The following BAG1 variants were observed in gnomAD, a reference collection of about 807,000 sequenced individuals.
The protein encoded by BAG1 is BAG cochaperone 1, also known as BAG family molecular chaperone regulator 1.
BAG1 carries 35 observed loss-of-function variants against 35.5 expected under a neutral mutation model. That is an observed-to-expected ratio of 0.99 (90% CI 0.75 to 1.31). The LOEUF (loss-of-function observed/expected upper bound fraction) is 1.31. Ranked by LOEUF, BAG1 falls within the 50% of genes most tolerant of loss-of-function variation. BAG1 has a pLI of 0.00. For synonymous variants in BAG1, 191 were observed against 178.9 expected (o/e 1.07, Z -0.54); for missense variants, 464 against 453.6 (o/e 1.02, Z -0.21).
chr9:33,255,918 C>T lies in BAG1; in HGVS notation c.895G>A (p.Glu299Lys). 6.2e-7 allele frequency: 1 copy of T among 1,613,516 alleles called. No homozygotes were observed. Among genetic ancestry groups the T allele is most frequent in the African/African-American group, 1.3e-5 (1 of 75,024 alleles). Reference sequence around the variant, plus strand: ...TTCAATCTACTGTCTTTGAAATTTTCTGGCAGGATCTATGGAAGAGTAAGT... The same window carrying T: ...TTCAATCTACTGTCTTTGAAATTTTTTGGCAGGATCTATGGAAGAGTAAGT... The change falls in exon 6 of 7, where the codon GAA becomes AAA. Residue 299 changes from glutamate (E) to lysine (K), a missense_variant. Coordinates refer to ENST00000634734, the MANE Select transcript of BAG1 (RefSeq NM_004323.6).
rs1394928850 is a variant in BAG1, at chr9:33,252,736, T to C, written c.*2483A>G. On this transcript the variant is annotated 3_prime_UTR_variant, in exon 7 of 7. Transcript: ENST00000634734. ...CTATGTAAATGCTGTGAAAGAAATGTATGGGAAGTCGAGAGAGGATCCCAC... is the reference window on the plus strand; with the variant it reads ...CTATGTAAATGCTGTGAAAGAAATGCATGGGAAGTCGAGAGAGGATCCCAC... 1 of 152,056 alleles carries C rather than the reference T, an allele frequency of 6.6e-6. No homozygotes were observed. Among genetic ancestry groups the C allele is most frequent in the African/African-American group, 2.4e-5 (1 of 41,394 alleles). The allele number at this position is 152,056 out of a possible 1,614,324, so 9.4% of individuals were successfully genotyped here. A position where few individuals can be genotyped will look rare whatever the true frequency, so the allele number is the denominator to read the frequency against.
chr9:33,257,095 A>G (rs1820471785), intron 4 of BAG1, 187 bp from the exon 5 acceptor site: 2 of 565,506 alleles, frequency 3.5e-6, no homozygotes. Context: ...CAAGAATTCT[A>G]TCAGGTTGCA....
Position 33,255,155 on chromosome 9 carries a change from C to T in BAG1, c.*64G>A, listed in dbSNP as rs1450360303. ...CCCTGAAGAAATCAGGTAAATTCCG[C>T]TCCAGAGACGGCAGAGCTGGTGGCG... On this transcript the variant is annotated 3_prime_UTR_variant, in exon 7 of 7. Transcript: ENST00000634734. The T allele has an allele frequency of 1.9e-5, 30 of 1,614,020 alleles. No homozygotes were observed. The highest frequency in any genetic ancestry group is 2.7e-5 in the African/African-American group (2 of 74,938).
At chr9:33,255,765 C>T in intron 6 of BAG1, 100 bp downstream of exon 6, 2 of 1,340,322 alleles carry the variant, frequency 1.5e-6, no homozygotes, top group East Asian at 2.3e-5. Context: ...CAAGCCCATA[C>T]CACACACCAC....
In BAG1 at chr9:33,259,022, C is replaced by G; in HGVS notation, c.675G>C (p.Gln225His). The G allele has an allele frequency of 6.2e-7, 1 of 1,613,678 alleles. No homozygotes were observed. Among genetic ancestry groups the G allele is most frequent in the Non-Finnish European group, 8.5e-7 (1 of 1,179,600 alleles). Reference sequence around the variant, plus strand: ...TCAACTTCTTTAGTTCAACCTCTTCCTGTGGACTGTTCTAAAATGTTTAAG... The same window carrying G: ...TCAACTTCTTTAGTTCAACCTCTTCGTGTGGACTGTTCTAAAATGTTTAAG... The change falls in exon 4 of 7, where the codon CAG becomes CAC. Residue 225 changes from glutamine (Q) to histidine (H), a missense_variant. By Grantham distance (24) the Gln-to-His change is conservative. Coordinates refer to ENST00000634734, the MANE Select transcript of BAG1 (RefSeq NM_004323.6).
chr9:33,255,791 G>T, intron 6 of BAG1, 74 bp downstream of exon 6: 1 of 1,515,846 alleles, frequency 6.6e-7, no homozygotes, highest in South Asian at 1.1e-5. Flanking sequence ...TACACTACCT[G>T]ATTTTGAACA....
At chr9:33,255,644 C>T (rs1275501610) in intron 6 of BAG1, among the ~76,000 whole-genome samples, 1 of 152,224 alleles carries the variant, frequency 6.6e-6, no homozygotes. Context: ...TCAGCCCTAC[C>T]TGCTCTCCAG....
At chr9:33,256,771 C>T (rs755881556) in intron 5 of BAG1, 30 bp downstream of exon 5, 4 of 1,563,054 alleles carry the variant, frequency 2.6e-6, no homozygotes, top group South Asian at 1.1e-5. Flanking sequence ...TCAAAGAAAA[C>T]TAGTTCTTCT....
chr9:33,262,860 A>G (rs565845496), intron 1 of BAG1, 30 bp from the exon 2 acceptor site: 3 of 1,610,098 alleles, frequency 1.9e-6, no homozygotes, highest in East Asian at 4.5e-5. Flanking sequence ...TTTGACGAAT[A>G]TGATTCTTTC....
intron 2 of BAG1, chr9:33,262,184 C>T (rs1333665774): frequency 3.1e-6 from 4 of 1,289,650 alleles, no homozygotes; most frequent in Admixed American, 2.3e-5. Context: ...AAATCTGACA[C>T]CTGTCCAGGT....
At position 33,264,446 on chromosome 9, in the gene BAG1, G is replaced by C. The variant is rs764057728; in HGVS notation, c.229C>G (p.Arg77Gly). Residue 77 changes from arginine to glycine, a missense_variant, in exon 1 of 7, where the codon CGG (arginine) becomes GGG (glycine). Arg to Gly is a moderately radical substitution (Grantham distance 125). Coordinates refer to ENST00000634734, the MANE Select transcript of BAG1 (RefSeq NM_004323.6). ...TCCTCGCTCCGGGTCGAGCGGCGCCGGGTTTTCTTCTTCATCCGCGGCCTG... is the reference window on the plus strand; with the variant it reads ...TCCTCGCTCCGGGTCGAGCGGCGCCCGGTTTTCTTCTTCATCCGCGGCCTG... 6.8e-6 allele frequency: 11 copies of C among 1,613,658 alleles called. No homozygotes were observed. Among genetic ancestry groups the C allele is most frequent in the Non-Finnish European group, 7.6e-6 (9 of 1,179,708 alleles).
chr9:33,263,238 T>C (rs2117977951), intron 1 of BAG1, among the ~76,000 whole-genome samples: 1 of 152,308 alleles, frequency 6.6e-6, no homozygotes, highest in East Asian at 1.9e-4. Context: ...CAAGCCCACC[T>C]TTTTCATCAC....
intron 2 of BAG1, among the ~76,000 whole-genome samples, chr9:33,262,490 C>A (rs904466278): frequency 6.6e-5 from 10 of 152,002 alleles, no homozygotes; most frequent in African/African-American, 2.2e-4. Context: ...AACCCTGTCT[C>A]TACTAAAAAT....
At position 33,264,553 on chromosome 9, in the gene BAG1, G is replaced by A. The variant is rs1303601192; in HGVS notation, c.122C>T (p.Pro41Leu). The change falls in exon 1 of 7, where the codon CCG becomes CTG. Residue 41 changes from proline to leucine, a missense_variant. By Grantham distance (98) the Pro-to-Leu change is moderately conservative. Coordinates refer to ENST00000634734, the MANE Select transcript of BAG1 (RefSeq NM_004323.6). ...GGCAGGTGGACGCCCAGAGGGAGGCGGACCACGCTGGGCCGGGGGCTCCGA... is the reference window on the plus strand; with the variant it reads ...GGCAGGTGGACGCCCAGAGGGAGGCAGACCACGCTGGGCCGGGGGCTCCGA... 6.7e-7 allele frequency: 1 copy of A among 1,498,318 alleles called. No individual in the cohort carries two copies. Among genetic ancestry groups the A allele is most frequent in the Non-Finnish European group, 8.8e-7 (1 of 1,129,960 alleles). 92.8% of individuals were successfully genotyped at this position (1,498,318 alleles called of 1,614,324 possible). A position where few individuals can be genotyped will look rare whatever the true frequency, so the allele number is the denominator to read the frequency against.
In BAG1 at chr9:33,261,180, G is replaced by A; in HGVS notation, c.581-11C>T. On this transcript the variant is annotated splice_polypyrimidine_tract_variant and intron_variant, in intron 2 of 6. Coordinates refer to ENST00000634734, the MANE Select transcript of BAG1 (RefSeq NM_004323.6). ...CCTTCAGAGATTTTCCTAAAAAGAG[G>A]AGAAAGGTAGGCCAAGTTGTAATAA... 1 of 1,591,560 alleles carries A rather than the reference G, an allele frequency of 6.3e-7. No individual in the cohort carries two copies. Among genetic ancestry groups the A allele is most frequent in the Non-Finnish European group, 8.6e-7 (1 of 1,165,480 alleles).
At chr9:33,260,951 TAA>T in intron 3 of BAG1, 134 bp downstream of exon 3, 1 of 610,342 alleles carries the variant, frequency 1.6e-6, no homozygotes, top group Non-Finnish European at 2.7e-6. Flanking sequence ...GTAAAACCAA[TAA>T]AGATTGTATT....
rs751994060 is a variant in BAG1 at position 33,264,232 on chromosome 9, A to G, written c.443T>C (p.Val148Ala). Residue 148 changes from valine (V) to alanine (A), a missense_variant, in exon 1 of 7, where the codon GTC becomes GCC. Physicochemically the swap from Val to Ala is moderately conservative, Grantham distance 64. Coordinates refer to ENST00000634734, the MANE Select transcript of BAG1 (RefSeq NM_004323.6). The stretch of plus-strand genomic sequence containing the variant: ...TGGCGCCCGACACTCACTGTGGGTG[A>G]CAGTCACGGTGAGCCCAGCTGCCGC... The G allele has an allele frequency of 6.2e-7, 1 of 1,606,942 alleles. No individual in the cohort carries two copies. Among genetic ancestry groups the G allele is most frequent in the Non-Finnish European group, 8.5e-7 (1 of 1,177,528 alleles).
At position 33,262,735 on chromosome 9, in the gene BAG1, C is replaced by T. The variant is rs565441106; in HGVS notation, c.547G>A (p.Val183Ile). The change falls in exon 2 of 7, where the codon GTT becomes ATT. Residue 183 changes from valine to isoleucine, a missense_variant. Coordinates refer to ENST00000634734, the MANE Select transcript of BAG1 (RefSeq NM_004323.6). ...ATGAGTTTCTGAAAAGACTGTGGAACCCCTATGACCTCTTCAACAACCTGG... is the reference window on the plus strand; with the variant it reads ...ATGAGTTTCTGAAAAGACTGTGGAATCCCTATGACCTCTTCAACAACCTGG... 60 of 1,611,142 alleles carry T rather than the reference C, an allele frequency of 3.7e-5. 2 individuals are homozygous for T. In the South Asian group the frequency reaches 6.2e-4, roughly 17 times the overall value.
chr9:33,256,830 T>C lies in BAG1; in HGVS notation c.856A>G (p.Met286Val), dbSNP rs574806930. ...GTGTCAATCTCCTCCAAGATCTTCA[T>C]AAACTGCTCTATTGTGGCTTTTACT... The change falls in exon 5 of 7, where the codon ATG becomes GTG. Residue 286 changes from methionine to valine, a missense_variant. Transcript: ENST00000634734. 4 of 1,614,172 alleles carry C rather than the reference T, an allele frequency of 2.5e-6. No individual in the cohort carries two copies. The African/African-American group carries it at 5.3e-5, about 22-fold the overall frequency.
Sources: allele counts gnomAD v4.1 joint callset (sites outside exome capture counted in the v4.1 genomes callset), GRCh38; gene constraint gnomAD v4.1.1; transcripts MANE v1.5; gene names NCBI Gene and HGNC (gene_info 2026-07-23, HGNC 2026-07-21).